The following PRXL2A variants were observed in gnomAD, a reference collection of about 807,000 sequenced individuals.
PRXL2A encodes peroxiredoxin-like 2A.
PRXL2A carries 26 observed loss-of-function variants against 25.6 expected under a neutral mutation model. The ratio of observed to expected loss-of-function variants is 1.02; its 90% CI spans 0.74 to 1.41. PRXL2A has a LOEUF of 1.41. PRXL2A is among the 40% of genes most tolerant of loss of function. The pLI is 0.00. For synonymous variants in PRXL2A, 98 were observed against 102.9 expected (o/e 0.95, Z 0.29); for missense variants, 246 against 273.9 (o/e 0.90, Z 0.72).
chr10:80,434,981 AG>A lies in PRXL2A; in HGVS notation c.*2884del, dbSNP rs1280184712. ...ATAATCCCAGCACTTTGGGTGGCCA[AG>A]GTGGGTGCATCACCTGAGGTCAGGA... On this transcript the variant is annotated 3_prime_UTR_variant, in exon 6 of 6. Coordinates refer to ENST00000606162, the MANE Select transcript of PRXL2A (RefSeq NM_032333.5). 1 of 152,274 alleles carries A rather than the reference AG, an allele frequency of 6.6e-6. No individual in the cohort carries two copies. The highest frequency in any genetic ancestry group is 1.5e-5 in the Non-Finnish European group (1 of 68,072). 9.4% of individuals were successfully genotyped at this position (152,274 alleles called of 1,614,324 possible).
chr10:80,421,443 G>C (rs1448153329), intron 2 of PRXL2A, among the ~76,000 whole-genome samples: 1 of 152,202 alleles, frequency 6.6e-6, no homozygotes, highest in African/African-American at 2.4e-5. Context: ...TGGTCACCAT[G>C]TTAGCCCCCC....
At chr10:80,408,242 T>A (rs1203451530), upstream of PRXL2A, among the ~76,000 whole-genome samples, 1 of 151,680 alleles carries the variant, frequency 6.6e-6, no homozygotes, top group Non-Finnish European at 1.5e-5. Flanking sequence ...TTGGCCAGCC[T>A]CGGCTGCAGG....
At chr10:80,420,436 A>C in intron 1 of PRXL2A, 30 bp from the exon 2 acceptor site, 1 of 1,537,596 alleles carries the variant, frequency 6.5e-7, no homozygotes, top group Non-Finnish European at 8.8e-7. Context: ...TGGGAGCAGT[A>C]ACGCCTTCTT....
At chr10:80,419,561 G>A (rs1844788772) in intron 1 of PRXL2A, among the ~76,000 whole-genome samples, 1 of 151,130 alleles carries the variant, frequency 6.6e-6, no homozygotes, top group Middle Eastern at 3.4e-3. Context: ...GCCCACCTCG[G>A]CCTCCCAAAG....
chr10:80,417,025 C>T (rs893718566), intron 1 of PRXL2A, among the ~76,000 whole-genome samples: 37 of 152,182 alleles, frequency 2.4e-4, no homozygotes, highest in African/African-American at 8.4e-4. Context: ...AGACGGCTAA[C>T]GCTCAAAATT....
chr10:80,412,607 C>T (rs1339041457), intron 1 of PRXL2A, among the ~76,000 whole-genome samples: 11 of 152,104 alleles, frequency 7.2e-5, no homozygotes, highest in Non-Finnish European at 1.6e-4. Flanking sequence ...TGTGTGCGCA[C>T]ACACATGCAC....
intron 2 of PRXL2A, among the ~76,000 whole-genome samples, chr10:80,422,166 A>C (rs892550222): frequency 2.6e-5 from 4 of 152,188 alleles, no homozygotes; most frequent in Admixed American, 6.5e-5. Context: ...GTTAGAAAAA[A>C]GATTTTCATG....
chr10:80,421,447 GC>G (rs1844860606), intron 2 of PRXL2A, among the ~76,000 whole-genome samples: 1 of 152,128 alleles, frequency 6.6e-6, no homozygotes, highest in South Asian at 2.1e-4. Flanking sequence ...CACCATGTTA[GC>G]CCCCCAGGTG....
At chr10:80,418,725 G>A (rs1016844033) in intron 1 of PRXL2A, among the ~76,000 whole-genome samples, 2 of 152,168 alleles carry the variant, frequency 1.3e-5, no homozygotes, top group African/African-American at 4.8e-5. Flanking sequence ...TTAGGATGGC[G>A]TGAGGACCAA....
At chr10:80,417,156 G>A (rs984662113) in intron 1 of PRXL2A, among the ~76,000 whole-genome samples, 4 of 152,202 alleles carry the variant, frequency 2.6e-5, no homozygotes, top group African/African-American at 9.7e-5. Flanking sequence ...AAGCAAAATG[G>A]TTACAGAGAG....
At chr10:80,413,567 G>A (rs1844545410) in intron 1 of PRXL2A, among the ~76,000 whole-genome samples, 2 of 152,246 alleles carry the variant, frequency 1.3e-5, no homozygotes, top group Non-Finnish European at 2.9e-5. Context: ...GCACCGGATA[G>A]CAGAGGAGTC....
At chr10:80,419,996 T>C in intron 1 of PRXL2A, 1 of 985,558 alleles carries the variant, frequency 1.0e-6, no homozygotes, top group South Asian at 4.7e-5. Context: ...GTTGGTGTTC[T>C]AAGTATCCTC....
Position 80,434,250 on chromosome 10 carries a change from C to T in PRXL2A, c.*2151C>T, listed in dbSNP as rs1325527619. The T allele has an allele frequency of 3.9e-5, 6 of 152,070 alleles. No individual in the cohort carries two copies. In the East Asian group the frequency reaches 1.2e-3, roughly 29 times the overall value. The allele number at this position is 152,070 out of a possible 1,614,324, so 9.4% of individuals were successfully genotyped here. A position where few individuals can be genotyped will look rare whatever the true frequency, so the allele number is the denominator to read the frequency against. ...CCTGGGTCCTCACGTGCAGTGTGGT[C>T]TTCTCTTTCTGATTAGCATGTCATT... On this transcript the variant is annotated 3_prime_UTR_variant, in exon 6 of 6. Transcript: ENST00000606162.
intron 1 of PRXL2A, among the ~76,000 whole-genome samples, chr10:80,418,192 C>T (rs1270174025): frequency 2.6e-5 from 4 of 151,958 alleles, no homozygotes; most frequent in African/African-American, 4.8e-5. Context: ...TTCAGCTGTC[C>T]CCAGTGTCTG....
chr10:80,431,616 C>A (rs758911363), intron 5 of PRXL2A, among the ~76,000 whole-genome samples: 5 of 152,076 alleles, frequency 3.3e-5, no homozygotes, highest in Non-Finnish European at 7.4e-5. Context: ...ACTTCCACAC[C>A]TTTGGGCCTT....
intron 1 of PRXL2A, chr10:80,420,141 T>C (rs1453138165): frequency 2.0e-6 from 2 of 1,011,130 alleles, no homozygotes; most frequent in African/African-American, 1.7e-5. Context: ...TCGGCACAGC[T>C]CCACAGAGCT....
intron 5 of PRXL2A, among the ~76,000 whole-genome samples, chr10:80,430,070 T>C (rs1342702989): frequency 1.3e-5 from 2 of 150,308 alleles, no homozygotes; most frequent in South Asian, 4.2e-4. Flanking sequence ...TAGTCTAAAA[T>C]TGGGGTGGTG....
chr10:80,417,377 A>G (rs1005759927), intron 1 of PRXL2A, among the ~76,000 whole-genome samples: 3 of 152,176 alleles, frequency 2.0e-5, no homozygotes, highest in African/African-American at 7.2e-5. Context: ...AACGCTGAGG[A>G]TCTGCTTACA....
chr10:80,420,130 C>T (rs1317009108), intron 1 of PRXL2A: 2 of 1,002,858 alleles, frequency 2.0e-6, no homozygotes, highest in African/African-American at 1.7e-5. Context: ...GGGGACATAG[C>T]TCGGCACAGC....
Sources: allele counts gnomAD v4.1 joint callset (sites outside exome capture counted in the v4.1 genomes callset), GRCh38; gene constraint gnomAD v4.1.1; transcripts MANE v1.5; gene names NCBI Gene and HGNC (gene_info 2026-07-23, HGNC 2026-07-21).